MPHOSPH9: variants seen among roughly 807,000 people sequenced by gnomAD.
MPHOSPH9 encodes the protein M-phase phosphoprotein 9.
In MPHOSPH9, 88 loss-of-function variants were observed where a neutral mutation model predicts 145.5. The ratio of observed to expected loss-of-function variants is 0.60; its 90% CI spans 0.51 to 0.72. The LOEUF (loss-of-function observed/expected upper bound fraction) is 0.72. MPHOSPH9 is among the 30% of genes least tolerant of loss of function. MPHOSPH9 has a pLI of 0.00. For missense variants in MPHOSPH9, 1,238 were observed against 1,386.6 expected (o/e 0.89, Z 1.70); for synonymous variants, 435 against 486.2 (o/e 0.89, Z 1.39).
intron 5 of MPHOSPH9, among the ~76,000 whole-genome samples, chr12:123,220,087 A>C (rs1326660614): frequency 2.0e-5 from 3 of 151,994 alleles, no homozygotes; most frequent in African/African-American, 7.3e-5. Context: ...CCAGCTACTC[A>C]GGAGGCTGAG....
chr12:123,190,933 T>C (rs970514315), intron 13 of MPHOSPH9, among the ~76,000 whole-genome samples: 4 of 152,200 alleles, frequency 2.6e-5, no homozygotes. Context: ...TCTACATTAA[T>C]ACAATTTCAG....
intron 5 of MPHOSPH9, among the ~76,000 whole-genome samples, chr12:123,219,202 G>A (rs184461347): frequency 1.8e-4 from 28 of 151,930 alleles, no homozygotes; most frequent in African/African-American, 6.5e-4. Context: ...ACTGCGCCCA[G>A]CCAGTTGTTT....
At chr12:123,207,573 G>T (rs1310705477) in intron 8 of MPHOSPH9, among the ~76,000 whole-genome samples, 1 of 152,108 alleles carries the variant, frequency 6.6e-6, no homozygotes, top group Non-Finnish European at 1.5e-5. Flanking sequence ...AGAAATGAAG[G>T]CCGGGTGCAC....
intron 11 of MPHOSPH9, among the ~76,000 whole-genome samples, chr12:123,200,417 TG>T (rs1455385777): frequency 1.3e-5 from 2 of 152,140 alleles, no homozygotes; most frequent in African/African-American, 4.8e-5. Context: ...AGCCTGCCAC[TG>T]TTATTAACTG....
chr12:123,236,886 C>A (rs1325023127), upstream of MPHOSPH9, among the ~76,000 whole-genome samples: 1 of 151,780 alleles, frequency 6.6e-6, no homozygotes, highest in African/African-American at 2.4e-5. Context: ...GAGTTCAACA[C>A]CAGCCTGAGA....
chr12:123,209,077 T>C (rs958477270), intron 8 of MPHOSPH9, among the ~76,000 whole-genome samples: 7 of 151,622 alleles, frequency 4.6e-5, no homozygotes, highest in African/African-American at 1.5e-4. Context: ...GGATTACAAG[T>C]GCATGCCACC....
chr12:123,174,624 G>T (rs1373033778), intron 16 of MPHOSPH9, among the ~76,000 whole-genome samples: 1 of 151,984 alleles, frequency 6.6e-6, no homozygotes, highest in Non-Finnish European at 1.5e-5. Context: ...CGCCCATCTC[G>T]GCCTCCCAAA....
intron 23 of MPHOSPH9, among the ~76,000 whole-genome samples, chr12:123,157,965 T>A (rs2043942578): frequency 6.6e-6 from 1 of 152,088 alleles, no homozygotes; most frequent in Admixed American, 6.5e-5. Context: ...CATACATATA[T>A]ATGCATACCA....
At position 123,163,880 on chromosome 12, in the gene MPHOSPH9, G is replaced by T; in HGVS notation, c.2908+70C>A. ...AAGAGAAACCAGAAACAGGCAAGCA[G>T]CGGGCACAAATAGATTTGACTCAGA... On this transcript the variant is annotated intron_variant, in intron 19 of 23. Coordinates refer to ENST00000606320, the MANE Select transcript of MPHOSPH9 (RefSeq NM_022782.4). 2 of 1,584,670 alleles carry T rather than the reference G, an allele frequency of 1.3e-6. 1 individual carries two copies. Among genetic ancestry groups the T allele is most frequent in the Non-Finnish European group, 1.7e-6 (2 of 1,156,138 alleles).
chr12:123,194,622 TA>T, intron 12 of MPHOSPH9, 21 bp from the exon 13 acceptor site: 1 of 1,367,966 alleles, frequency 7.3e-7, no homozygotes, highest in Non-Finnish European at 9.7e-7. Flanking sequence ...AAGACAAACA[TA>T]ATTTTTTTTT....
rs2044091303 is a variant in MPHOSPH9, at chr12:123,161,218, T to C, written c.3299A>G (p.Asn1100Ser). The C allele has an allele frequency of 6.2e-7, 1 of 1,614,084 alleles. No individual in the cohort carries two copies. Residue 1100 changes from asparagine (N) to serine (S), a missense_variant, in exon 22 of 24, where the codon AAT becomes AGT. This residue lies in a region of MPHOSPH9 where 393 missense variants were observed against 462.5 expected (regional missense o/e 0.85). Transcript: ENST00000606320. The part of the protein sequence containing the change: ...CKPVSVTPQG[N>S]DFEYTAKIRT... ...AATTTTTGCTGTATATTCAAAATCATTCCCCTGTGGAGTGACTGAAACCGG... is the reference window on the plus strand; with the variant it reads ...AATTTTTGCTGTATATTCAAAATCACTCCCCTGTGGAGTGACTGAAACCGG...
At chr12:123,184,661 C>A (rs1324075196) in intron 13 of MPHOSPH9, among the ~76,000 whole-genome samples, 1 of 151,994 alleles carries the variant, frequency 6.6e-6, no homozygotes, top group Non-Finnish European at 1.5e-5. Context: ...CCACGCCCAG[C>A]TAATTTTTTT....
downstream of MPHOSPH9, among the ~76,000 whole-genome samples, chr12:123,153,764 C>CAAAAAAAAA (rs57564688): frequency 1.8e-5 from 2 of 109,324 alleles, no homozygotes; most frequent in African/African-American, 4.7e-5. Flanking sequence ...GACTCCATCT[C>CAAAAAAAAA]AAAAAAAAAA....
chr12:123,167,001 TCA>T (rs2044348361), intron 16 of MPHOSPH9, among the ~76,000 whole-genome samples: 1 of 152,172 alleles, frequency 6.6e-6, no homozygotes, highest in South Asian at 2.1e-4. Context: ...CTTCTGAATC[TCA>T]GTCAAGATTC....
chr12:123,154,166 T>TAAA (rs1375239005), downstream of MPHOSPH9: 3 of 151,568 alleles, frequency 2.0e-5, no homozygotes, highest in Non-Finnish European at 2.9e-5. Flanking sequence ...GTTCACTTTC[T>TAAA]ATTTGCATTT....
Position 123,159,126 on chromosome 12 carries a change from C to T in MPHOSPH9, c.3450+1655G>A, listed in dbSNP as rs953336111. ...AATAAAAGATTAGCCAAGACAACCC[C>T]ACACCTTTTAAAAAATGATCACATT... On this transcript the variant is annotated intron_variant, in intron 23 of 23. Coordinates refer to ENST00000606320, the MANE Select transcript of MPHOSPH9 (RefSeq NM_022782.4). This position sits in a 1 kb window ranked among gnomAD's most constrained non-coding sequence, Gnocchi z 4.3. Among the ~76,000 whole-genome samples, 17 of 152,158 alleles carry T rather than the reference C, an allele frequency of 1.1e-4. No individual in the cohort carries two copies. Among genetic ancestry groups the T allele is most frequent in the African/African-American group, 3.6e-4 (15 of 41,440 alleles).
chr12:123,182,181 C>T (rs1489918059), intron 13 of MPHOSPH9, among the ~76,000 whole-genome samples: 2 of 151,566 alleles, frequency 1.3e-5, no homozygotes, highest in African/African-American at 2.4e-5. Context: ...CCTCATGATC[C>T]GCCCGCCTCA....
chr12:123,230,966 T>C (rs1375419049), intron 1 of MPHOSPH9, among the ~76,000 whole-genome samples: 2 of 152,126 alleles, frequency 1.3e-5, no homozygotes, highest in African/African-American at 4.8e-5. Flanking sequence ...ATTCTGGAAT[T>C]AGATAGTGGT....
intron 11 of MPHOSPH9, 124 bp from the exon 12 acceptor site, chr12:123,198,458 A>G: frequency 1.3e-6 from 1 of 751,396 alleles, no homozygotes; most frequent in Non-Finnish European, 2.2e-6. Flanking sequence ...ACTAAGACTC[A>G]GGATGCCATT....
Sources: gnomAD v4.1 joint callset for allele counts (sites outside exome capture counted in the v4.1 genomes callset) on GRCh38, gnomAD v4.1.1 for gene constraint, gnomAD v4.1.1 regional missense constraint, Gnocchi (gnomAD v3.1) non-coding constraint, MANE v1.5 for transcripts, NCBI Gene and HGNC (gene_info 2026-07-23, HGNC 2026-07-21) for gene names.